Variants in EXOC4 observed in about 807,000 individuals in gnomAD.
The protein encoded by EXOC4 is exocyst complex component 4.
A neutral mutation model predicts 107.2 loss-of-function variants in EXOC4; 71 were observed. That is an observed-to-expected ratio of 0.66 (90% CI 0.55 to 0.81). The LOEUF is 0.81. Among genes scored for constraint, EXOC4 ranks in the 30% least tolerant of loss-of-function variants. The pLI is 0.00. For synonymous variants in EXOC4, 456 were observed against 441.2 expected, an observed-to-expected ratio of 1.03 and a Z score of -0.42; for missense variants, 1,108 against 1,189.6, an observed-to-expected ratio of 0.93 and a Z score of 1.01.
At chr7:133,460,896 C>T (rs573012622) in intron 7 of EXOC4, among the ~76,000 whole-genome samples, 1 of 152,162 alleles carries the variant, frequency 6.6e-6, no homozygotes, top group East Asian at 1.9e-4. Context: ...AGATAAAATG[C>T]CTTCTGCTCA....
At chr7:134,097,062 C>A in the EXOC4 span, among the ~76,000 whole-genome samples, 1 of 151,764 alleles carries the variant, frequency 6.6e-6, no homozygotes, top group African/African-American at 2.4e-5. Flanking sequence ...TAAAAAGATA[C>A]AAATTTTAAA....
intron 9 of EXOC4, among the ~76,000 whole-genome samples, chr7:133,605,072 T>A (rs1418103258): frequency 6.6e-6 from 1 of 152,080 alleles, no homozygotes; most frequent in Non-Finnish European, 1.5e-5. Context: ...GCCTAACCTC[T>A]TCTTGTCTTT....
chr7:134,009,607 T>A (rs1794721161), intron 17 of EXOC4, among the ~76,000 whole-genome samples: 2 of 152,174 alleles, frequency 1.3e-5, no homozygotes, highest in South Asian at 4.1e-4. Context: ...AAACCAGGTG[T>A]GACTGAATGC....
intron 17 of EXOC4, among the ~76,000 whole-genome samples, chr7:134,049,550 T>C (rs1205161360): frequency 1.3e-5 from 2 of 152,216 alleles, no homozygotes; most frequent in Non-Finnish European, 2.9e-5. Flanking sequence ...GCCTCATTGT[T>C]GACAACTTCT....
intron 10 of EXOC4, among the ~76,000 whole-genome samples, chr7:133,780,430 T>A (rs1362751462): frequency 6.6e-6 from 1 of 152,162 alleles, no homozygotes; most frequent in Non-Finnish European, 1.5e-5. Context: ...TGTGTTAGAT[T>A]TGGGAGCTCA....
At chr7:133,926,062 GAAGAA>G (rs1800045429) in intron 13 of EXOC4, among the ~76,000 whole-genome samples, 1 of 126,310 alleles carries the variant, frequency 7.9e-6, no homozygotes, top group South Asian at 2.7e-4. Flanking sequence ...AAAAAAAAAA[GAAGAA>G]AAGAACTAAG....
intron 9 of EXOC4, among the ~76,000 whole-genome samples, chr7:133,555,732 GCATACTGCTA>G (rs531590684): frequency 8.2e-4 from 125 of 152,196 alleles, no homozygotes; most frequent in African/African-American, 3.0e-3. Flanking sequence ...TTCCAGTTTG[GCATACTGCTA>G]CATAGCATGC....
At chr7:133,780,564 A>G (rs923879708) in intron 10 of EXOC4, among the ~76,000 whole-genome samples, 1 of 152,150 alleles carries the variant, frequency 6.6e-6, no homozygotes, top group South Asian at 2.1e-4. Context: ...ATTCACTAGG[A>G]GTCTACAGGA....
At chr7:133,516,582 A>G (rs977204246) in intron 9 of EXOC4, among the ~76,000 whole-genome samples, 4 of 151,964 alleles carry the variant, frequency 2.6e-5, no homozygotes, top group African/African-American at 4.8e-5. Flanking sequence ...TGAACTGTTG[A>G]TGGGCATTTG....
At chr7:133,641,609 G>C (rs572963998) in intron 10 of EXOC4, among the ~76,000 whole-genome samples, 1 of 152,288 alleles carries the variant, frequency 6.6e-6, no homozygotes, top group East Asian at 1.9e-4. Context: ...CAGTATCGCT[G>C]TCACCTGCAA....
intron 17 of EXOC4, among the ~76,000 whole-genome samples, chr7:134,038,677 A>G (rs1227029825): frequency 1.3e-5 from 2 of 152,012 alleles, no homozygotes; most frequent in East Asian, 3.9e-4. Context: ...TTCCTTCGCT[A>G]TCCTCCACGG....
At chr7:134,049,062 T>C (rs1422883504) in intron 17 of EXOC4, among the ~76,000 whole-genome samples, 2 of 152,234 alleles carry the variant, frequency 1.3e-5, no homozygotes, top group South Asian at 4.1e-4. Flanking sequence ...CTGAAACTGA[T>C]TGTCCTCATC....
At chr7:133,746,477 C>T (rs1194610719) in intron 10 of EXOC4, among the ~76,000 whole-genome samples, 1 of 152,054 alleles carries the variant, frequency 6.6e-6, no homozygotes, top group African/African-American at 2.4e-5. Flanking sequence ...GAGTTTCTAC[C>T]TAGTATGCTT....
At position 134,029,208 on chromosome 7, in the gene EXOC4, C is replaced by T. The variant is rs946406432; in HGVS notation, c.2687+21373C>T. Among the ~76,000 whole-genome samples the T allele has an allele frequency of 3.9e-5, 6 of 152,146 alleles. No homozygotes were observed. The East Asian group carries it at 1.2e-3, about 29-fold the overall frequency. ...ATGCCTCCTCCTCACTGTGGGAGTT[C>T]CAAGAAGTTTTGCGTCTTTCCCTAT... On this transcript the variant is annotated intron_variant, in intron 17 of 17. Coordinates refer to ENST00000253861, the MANE Select transcript of EXOC4 (RefSeq NM_021807.4).
At chr7:133,328,753 C>G (rs534643584) in intron 5 of EXOC4, among the ~76,000 whole-genome samples, 1 of 152,300 alleles carries the variant, frequency 6.6e-6, no homozygotes, top group South Asian at 2.1e-4. Flanking sequence ...TTGGCCCTCA[C>G]TGTCTTCTTG....
At chr7:133,282,148 TCACCCC>T (rs1794171610) in intron 2 of EXOC4, among the ~76,000 whole-genome samples, 1 of 152,226 alleles carries the variant, frequency 6.6e-6, no homozygotes, top group Non-Finnish European at 1.5e-5. Flanking sequence ...TTAGCTTTTC[TCACCCC>T]TTTATCTTTT....
chr7:133,299,552 G>C (rs762404300), intron 3 of EXOC4, among the ~76,000 whole-genome samples: 2 of 152,200 alleles, frequency 1.3e-5, no homozygotes, highest in African/African-American at 2.4e-5. Context: ...AAAATGGTAT[G>C]CTTTTAGAAC....
chr7:133,720,348 A>G (rs1268955677), intron 10 of EXOC4, among the ~76,000 whole-genome samples: 3 of 152,196 alleles, frequency 2.0e-5, no homozygotes, highest in African/African-American at 7.2e-5. Flanking sequence ...TAAATCTGCT[A>G]TATGTGCAAA....
At chr7:133,315,690 G>A (rs1269604706) in intron 4 of EXOC4, among the ~76,000 whole-genome samples, 1 of 152,176 alleles carries the variant, frequency 6.6e-6, no homozygotes, top group Non-Finnish European at 1.5e-5. Context: ...GTTTAGGCTA[G>A]GAACTTACAG....
Sources: allele counts gnomAD v4.1 joint callset (sites outside exome capture counted in the v4.1 genomes callset), GRCh38; gene constraint gnomAD v4.1.1; transcripts MANE v1.5; gene names NCBI Gene and HGNC (gene_info 2026-07-23, HGNC 2026-07-21).